Variants in BRINP1 observed in about 807,000 individuals in gnomAD.
The protein encoded by BRINP1 is BMP/retinoic acid inducible neural specific 1, also known as BMP/retinoic acid-inducible neural-specific protein 1.
A neutral mutation model predicts 72.9 loss-of-function variants in BRINP1; 17 were observed. The observed-to-expected ratio is 0.23, with a 90% confidence interval of 0.16 to 0.35. The LOEUF (loss-of-function observed/expected upper bound fraction) is 0.35. BRINP1 is among the 10% of genes least tolerant of loss of function. The probability of loss-of-function intolerance (pLI) is 1.00; values close to 1 mark genes in which losing one functional copy is unlikely to be tolerated. For missense variants in BRINP1, 850 were observed against 1,001.6 expected, an observed-to-expected ratio of 0.85 and a Z score of 2.04; for synonymous variants, 418 against 378.5, an observed-to-expected ratio of 1.10 and a Z score of -1.21.
intron 7 of BRINP1, among the ~76,000 whole-genome samples, chr9:119,184,356 T>G (rs987783737): frequency 2.0e-5 from 3 of 152,116 alleles, no homozygotes; most frequent in Admixed American, 6.6e-5. Context: ...ACTACCTTTT[T>G]TTTCCTGCCC....
At chr9:119,303,410 C>A (rs1830961781) in intron 2 of BRINP1, among the ~76,000 whole-genome samples, 1 of 152,026 alleles carries the variant, frequency 6.6e-6, no homozygotes. Flanking sequence ...GAGCATTACA[C>A]ATCAAAGACA....
At chr9:119,223,589 C>T (rs1388108755) in intron 5 of BRINP1, among the ~76,000 whole-genome samples, 2 of 152,148 alleles carry the variant, frequency 1.3e-5, no homozygotes, top group Non-Finnish European at 2.9e-5. Context: ...AAACACAGCT[C>T]ATTCATCTAC....
chr9:119,247,604 G>A (rs984873552), intron 3 of BRINP1, among the ~76,000 whole-genome samples: 1 of 141,472 alleles, frequency 7.1e-6, no homozygotes, highest in African/African-American at 2.6e-5. Context: ...GCAGTGAGCC[G>A]AGATCGCGCC....
chr9:119,255,983 A>AC (rs1382310258), intron 2 of BRINP1, among the ~76,000 whole-genome samples: 15 of 125,234 alleles, frequency 1.2e-4, no homozygotes, highest in African/African-American at 4.0e-4. Context: ...AAAAAAAAAA[A>AC]CACGAGACAG....
At chr9:119,232,975 C>T (rs1230025631) in intron 5 of BRINP1, among the ~76,000 whole-genome samples, 4 of 151,782 alleles carry the variant, frequency 2.6e-5, no homozygotes, top group African/African-American at 9.7e-5. Context: ...TGATCATTCT[C>T]ATGATGCTTT....
chr9:119,296,370 T>G (rs1481328105), intron 2 of BRINP1, among the ~76,000 whole-genome samples: 1 of 152,130 alleles, frequency 6.6e-6, no homozygotes, highest in Non-Finnish European at 1.5e-5. Flanking sequence ...GAATAGGTAT[T>G]ATAAAATTTT....
At chr9:119,218,914 A>G (rs144822540) in intron 5 of BRINP1, among the ~76,000 whole-genome samples, 380 of 152,142 alleles carry the variant, frequency 2.5e-3, no homozygotes, top group Non-Finnish European at 4.0e-3. Context: ...CTCACTTGCA[A>G]TGCCATGGTA....
intron 5 of BRINP1, among the ~76,000 whole-genome samples, chr9:119,230,128 TA>T (rs1478737595): frequency 6.6e-6 from 1 of 151,800 alleles, no homozygotes; most frequent in Non-Finnish European, 1.5e-5. Context: ...TGCAGGGCAA[TA>T]AAAAAATAAA....
chr9:119,242,582 C>T (rs531181348), intron 3 of BRINP1, among the ~76,000 whole-genome samples: 2 of 152,218 alleles, frequency 1.3e-5, no homozygotes, highest in South Asian at 4.2e-4. Context: ...TTCTTTTCTC[C>T]TCCTCCTTTG....
intron 1 of BRINP1, among the ~76,000 whole-genome samples, chr9:119,335,825 A>G (rs1831340618): frequency 6.6e-6 from 1 of 152,230 alleles, no homozygotes. Context: ...GCCTAAAGGT[A>G]TCATCCAATC....
intron 2 of BRINP1, among the ~76,000 whole-genome samples, chr9:119,249,776 T>C (rs926517243): frequency 7.1e-6 from 1 of 140,922 alleles, no homozygotes; most frequent in African/African-American, 2.7e-5. Context: ...GCAGGATTCA[T>C]GATAATGCCA....
intron 5 of BRINP1, among the ~76,000 whole-genome samples, chr9:119,222,614 G>C (rs192379021): frequency 6.6e-6 from 1 of 152,148 alleles, no homozygotes; most frequent in East Asian, 1.9e-4. Context: ...CTAGAGAAAA[G>C]ACAAGGAACT....
At chr9:119,301,233 T>C (rs144707546) in intron 2 of BRINP1, among the ~76,000 whole-genome samples, 2 of 152,196 alleles carry the variant, frequency 1.3e-5, no homozygotes, top group Non-Finnish European at 2.9e-5. Flanking sequence ...AAAAGCACCA[T>C]CACCCACCCA....
intron 2 of BRINP1, among the ~76,000 whole-genome samples, chr9:119,270,956 T>G (rs999463792): frequency 6.6e-6 from 1 of 151,830 alleles, no homozygotes; most frequent in African/African-American, 2.4e-5. Flanking sequence ...AGCAGGAAAA[T>G]AGAGTAAGTA....
At chr9:119,241,933 G>A (rs1397790837) in intron 4 of BRINP1, 114 bp downstream of exon 4, 27 of 1,125,952 alleles carry the variant, frequency 2.4e-5, no homozygotes, top group South Asian at 4.5e-5. Flanking sequence ...AGGGCATCAC[G>A]AGCTACATGG....
At chr9:119,279,345 C>T (rs375268180) in intron 2 of BRINP1, among the ~76,000 whole-genome samples, 7 of 151,612 alleles carry the variant, frequency 4.6e-5, no homozygotes, top group Admixed American at 6.6e-5. Flanking sequence ...ATGGGGATTT[C>T]GCCAGGGCAC....
At chr9:119,333,126 A>C (rs1462572790) in intron 1 of BRINP1, among the ~76,000 whole-genome samples, 2 of 151,624 alleles carry the variant, frequency 1.3e-5, no homozygotes, top group African/African-American at 4.8e-5. Context: ...TGTGTCTTTA[A>C]TCTAGTGTGG....
intron 1 of BRINP1, among the ~76,000 whole-genome samples, chr9:119,335,237 T>G (rs1262407176): frequency 6.6e-6 from 1 of 152,174 alleles, no homozygotes; most frequent in Non-Finnish European, 1.5e-5. Flanking sequence ...AGAGAGTTGG[T>G]GAGTGCAGCA....
chr9:119,171,114 C>G (rs776226832), intron 7 of BRINP1, among the ~76,000 whole-genome samples: 486 of 150,858 alleles, frequency 3.2e-3, no homozygotes, highest in Middle Eastern at 6.9e-3. Flanking sequence ...ATGACAGGAT[C>G]AAATTCACAC....
Sources: allele counts gnomAD v4.1 joint callset (sites outside exome capture counted in the v4.1 genomes callset), GRCh38; gene constraint gnomAD v4.1.1; transcripts MANE v1.5; gene names NCBI Gene and HGNC (gene_info 2026-07-23, HGNC 2026-07-21).